TJP2: variants seen among roughly 807,000 people sequenced by gnomAD.
TJP2 encodes the protein tight junction protein 2.
TJP2 carries 91 observed loss-of-function variants against 133.1 expected under a neutral mutation model. The observed-to-expected ratio is 0.68, with a 90% CI of 0.58 to 0.81. The LOEUF (loss-of-function observed/expected upper bound fraction) is 0.81, where lower values mean the gene tolerates loss of function less well. TJP2 is among the 40% of genes least tolerant of loss of function. The pLI is 0.00. For missense variants in TJP2, 1,541 were observed against 1,565.6 expected (o/e 0.98, Z 0.26); for synonymous variants, 592 against 583.4 (o/e 1.01, Z -0.21).
intron 1 of TJP2, chr9:69,122,249 G>A (rs1036373199): frequency 6.6e-6 from 1 of 152,318 alleles, no homozygotes; most frequent in Non-Finnish European, 1.5e-5. Context: ...TGCATCGGGT[G>A]GGGGCAGGAG....
chr9:69,181,465 G>A (rs1333691321), intron 1 of TJP2, among the ~76,000 whole-genome samples: 3 of 152,076 alleles, frequency 2.0e-5, no homozygotes, highest in Admixed American at 6.5e-5. Flanking sequence ...GGCCAGGCTG[G>A]TCTCGAACTC....
At chr9:69,158,286 C>A (rs952921023) in intron 2 of TJP2, among the ~76,000 whole-genome samples, 2 of 138,768 alleles carry the variant, frequency 1.4e-5, no homozygotes, top group African/African-American at 5.5e-5. Context: ...CTAGATGGCG[C>A]CACTGCACTC....
intron 2 of TJP2, among the ~76,000 whole-genome samples, chr9:69,162,212 AATT>A (rs1204144586): frequency 6.7e-6 from 1 of 148,522 alleles, no homozygotes; most frequent in East Asian, 1.9e-4. Flanking sequence ...TATAAAATAC[AATT>A]ATAAGTTAAA....
intron 1 of TJP2, among the ~76,000 whole-genome samples, chr9:69,148,780 T>G (rs1363981092): frequency 6.6e-6 from 1 of 152,186 alleles, no homozygotes; most frequent in African/African-American, 2.4e-5. Flanking sequence ...GACAATTGAC[T>G]GAGTATTGCA....
intron 1 of TJP2, among the ~76,000 whole-genome samples, chr9:69,189,346 A>G (rs950092580): frequency 2.6e-5 from 4 of 152,074 alleles, no homozygotes; most frequent in African/African-American, 9.7e-5. Context: ...AAGGGTGCTT[A>G]TTTCTCTCCT....
chr9:69,202,735 T>C (rs1827086210), intron 1 of TJP2, among the ~76,000 whole-genome samples: 1 of 152,014 alleles, frequency 6.6e-6, no homozygotes, highest in African/African-American at 2.4e-5. Context: ...TTGGTCCTGC[T>C]GTGCCCAGGC....
intron 11 of TJP2, 77 bp downstream of exon 11, chr9:69,230,309 AGACAAAATGGTTCAGCTG>A: frequency 2.5e-6 from 4 of 1,588,214 alleles, no homozygotes; most frequent in Non-Finnish European, 3.5e-6. Flanking sequence ...CTGTAAGGGA[AGACAAAATGGTTCAGCTG>A]GTGAAATAGA....
intron 1 of TJP2, among the ~76,000 whole-genome samples, chr9:69,136,542 T>C (rs530628165): frequency 7.9e-5 from 12 of 152,338 alleles, no homozygotes; most frequent in South Asian, 4.1e-4. Context: ...AGTTTTTTTT[T>C]AGCTAAAAAT....
At chr9:69,171,158 TTAAG>T (rs1386378014), upstream of TJP2, among the ~76,000 whole-genome samples, 4 of 152,180 alleles carry the variant, frequency 2.6e-5, no homozygotes, top group East Asian at 1.9e-4. Context: ...GTCATCTCCT[TTAAG>T]TAAGCCAGAA....
upstream of TJP2, chr9:69,174,236 G>T: frequency 6.7e-7 from 1 of 1,496,958 alleles, no homozygotes; most frequent in Non-Finnish European, 9.0e-7. Flanking sequence ...CAAAGGGGTG[G>T]GTCCCCGCGG....
intron 11 of TJP2, among the ~76,000 whole-genome samples, chr9:69,233,536 G>T (rs1448121248): frequency 6.6e-6 from 1 of 152,236 alleles, no homozygotes; most frequent in East Asian, 1.9e-4. Flanking sequence ...ACTTTGGGAG[G>T]CCTAGGTGGG....
At chr9:69,168,592 C>T (rs1310979577) in intron 2 of TJP2, among the ~76,000 whole-genome samples, 3 of 151,826 alleles carry the variant, frequency 2.0e-5, no homozygotes, top group South Asian at 2.1e-4. Context: ...GTCAGGAGAT[C>T]GAGACCATCC....
intron 1 of TJP2, among the ~76,000 whole-genome samples, chr9:69,203,018 C>G (rs930891273): frequency 6.6e-6 from 1 of 152,094 alleles, no homozygotes; most frequent in Non-Finnish European, 1.5e-5. Flanking sequence ...TCTAGGACAC[C>G]TCTGACTTCT....
intron 4 of TJP2, among the ~76,000 whole-genome samples, chr9:69,220,255 A>G (rs756545906): frequency 6.6e-6 from 1 of 152,274 alleles, no homozygotes; most frequent in East Asian, 1.9e-4. Flanking sequence ...ATACATTAAT[A>G]TGATTTGTAA....
chr9:69,194,091 CAGTATTTTCAA>C (rs1348018068), intron 1 of TJP2, among the ~76,000 whole-genome samples: 1 of 152,096 alleles, frequency 6.6e-6, no homozygotes, highest in African/African-American at 2.4e-5. Flanking sequence ...CTGGTTAAAT[CAGTATTTTCAA>C]AGTATCAATT....
At chr9:69,162,473 T>C (rs908139615) in intron 2 of TJP2, among the ~76,000 whole-genome samples, 10 of 152,200 alleles carry the variant, frequency 6.6e-5, no homozygotes, top group African/African-American at 2.4e-4. Context: ...TTCCTCATTA[T>C]CTATGCTAAA....
intron 2 of TJP2, among the ~76,000 whole-genome samples, chr9:69,153,184 A>T (rs1359916891): frequency 3.3e-5 from 5 of 151,970 alleles, no homozygotes; most frequent in Non-Finnish European, 2.9e-5. Flanking sequence ...AGTGAGCTAT[A>T]ATTGCACCAC....
At chr9:69,200,055 T>C (rs1007375975) in intron 1 of TJP2, among the ~76,000 whole-genome samples, 1 of 152,206 alleles carries the variant, frequency 6.6e-6, no homozygotes, top group African/African-American at 2.4e-5. Flanking sequence ...TGAATATGCA[T>C]TTTAAGGCTC....
At chr9:69,155,920 G>A (rs1035302374) in intron 2 of TJP2, among the ~76,000 whole-genome samples, 5 of 152,210 alleles carry the variant, frequency 3.3e-5, no homozygotes, top group Non-Finnish European at 5.9e-5. Flanking sequence ...GTGCACTTAT[G>A]GGGGAAGAGA....
Sources: allele counts gnomAD v4.1 joint callset (sites outside exome capture counted in the v4.1 genomes callset), GRCh38; gene constraint gnomAD v4.1.1; transcripts MANE v1.5; gene names NCBI Gene and HGNC (gene_info 2026-07-23, HGNC 2026-07-21).